The following BRAF variants were observed in gnomAD, a reference collection of about 807,000 sequenced individuals.
BRAF encodes the protein serine/threonine-protein kinase B-raf.
In BRAF, 16 loss-of-function variants were observed where a neutral mutation model predicts 104.6. That is an observed-to-expected ratio of 0.15 (90% CI 0.10 to 0.23). The LOEUF is 0.23. BRAF is among the 10% of genes least tolerant of loss of function. BRAF has a pLI of 1.00. For synonymous variants in BRAF, 310 were observed against 341.6 expected (o/e 0.91, Z 1.02); for missense variants, 541 against 937.3 (o/e 0.58, Z 5.52).
At chr7:140,740,030 G>A (rs1796778122) in intron 17 of BRAF, 84 bp from the exon 17 acceptor site, 8 of 1,421,884 alleles carry the variant, frequency 5.6e-6, no homozygotes, top group Non-Finnish European at 7.8e-6. Context: ...AACACAATAA[G>A]CTGTACATTT....
intron 14 of BRAF, among the ~76,000 whole-genome samples, chr7:140,763,879 C>A (rs2129008549): frequency 6.6e-6 from 1 of 152,330 alleles, no homozygotes; most frequent in South Asian, 2.1e-4. Flanking sequence ...CAAGGAGGAA[C>A]TGGTACCATT....
At chr7:140,881,758 T>C (rs1812945474) in intron 1 of BRAF, among the ~76,000 whole-genome samples, 1 of 152,322 alleles carries the variant, frequency 6.6e-6, no homozygotes, top group Non-Finnish European at 1.5e-5. Context: ...TGTAGAGTTA[T>C]TAATTGGCCT....
In BRAF at chr7:140,785,822, AAG is replaced by A. The variant is rs1801296838; in HGVS notation, c.1178-16_1178-15del. On this transcript the variant is annotated splice_polypyrimidine_tract_variant and intron_variant, in intron 9 of 19. Transcript: ENST00000644969. ...GGTTCAAAGGGGCTGTTAGAAGAGA[AAG>A]AGAGGGGCAGGCAAACACAGGAAGA... 4 of 399,060 alleles carry A rather than the reference AAG, an allele frequency of 1.0e-5. No homozygotes were observed. Among genetic ancestry groups the A allele is most frequent in the Non-Finnish European group, 1.8e-5 (4 of 226,078 alleles). 24.7% of individuals were successfully genotyped at this position (399,060 alleles called of 1,614,324 possible).
At chr7:140,902,802 G>A (rs997427516) in intron 1 of BRAF, among the ~76,000 whole-genome samples, 3 of 151,664 alleles carry the variant, frequency 2.0e-5, no homozygotes, top group Non-Finnish European at 2.9e-5. Context: ...AAGCAAGCAA[G>A]CAAAACAACC....
intron 19 of BRAF, among the ~76,000 whole-genome samples, chr7:140,728,122 G>C (rs956064132): frequency 2.0e-5 from 3 of 152,170 alleles, no homozygotes; most frequent in Non-Finnish European, 2.9e-5. Flanking sequence ...TAAGCTGATA[G>C]TATTAGTGAC....
chr7:140,863,248 C>T (rs751540867), intron 1 of BRAF, among the ~76,000 whole-genome samples: 5 of 151,334 alleles, frequency 3.3e-5, no homozygotes, highest in East Asian at 1.9e-4. Flanking sequence ...ACAAAACTGA[C>T]GTAAATAAGT....
chr7:140,750,363 A>G (rs1000660375), intron 16 of BRAF, among the ~76,000 whole-genome samples: 2 of 152,212 alleles, frequency 1.3e-5, no homozygotes, highest in Non-Finnish European at 2.9e-5. Flanking sequence ...AAGGAGAGGC[A>G]ATAATGGCAC....
rs989035582 is a variant in BRAF at position 140,722,873 on chromosome 7, C to G, written c.*3621G>C. On this transcript the variant is annotated 3_prime_UTR_variant, in exon 20 of 20. Transcript: ENST00000644969. Reference sequence around the variant, plus strand: ...ACGTACCCCTAAACCGGTTCTGGCACCACTTTCAACAACATTCAGATATTC... The same window carrying G: ...ACGTACCCCTAAACCGGTTCTGGCAGCACTTTCAACAACATTCAGATATTC... 9.5e-7 allele frequency: 1 copy of G among 1,054,744 alleles called. No individual in the cohort carries two copies. The highest frequency in any genetic ancestry group is 1.7e-5 in the African/African-American group (1 of 60,496). 65.3% of individuals were successfully genotyped at this position (1,054,744 alleles called of 1,614,324 possible).
At chr7:140,769,459 T>C (rs1237982925) in intron 14 of BRAF, among the ~76,000 whole-genome samples, 4 of 152,198 alleles carry the variant, frequency 2.6e-5, no homozygotes, top group African/African-American at 9.6e-5. Flanking sequence ...CTAATCCTTA[T>C]TTCAGTACTT....
rs916842346 is a variant in BRAF at position 140,719,703 on chromosome 7, C to T, written c.*6791G>A. 2.8e-6 allele frequency: 3 copies of T among 1,060,434 alleles called. No homozygotes were observed. Among genetic ancestry groups the T allele is most frequent in the Admixed American group, 5.4e-5 (1 of 18,640 alleles). The allele number at this position is 1,060,434 out of a possible 1,614,324, so 65.7% of individuals were successfully genotyped here. ...CATCCATTTGACTGAAAATAAATGT[C>T]TTTTTTATGAATTGAAAAATAAGCT... On this transcript the variant is annotated 3_prime_UTR_variant, in exon 20 of 20. Transcript: ENST00000644969.
At chr7:140,905,151 T>C (rs964671084) in intron 1 of BRAF, among the ~76,000 whole-genome samples, 1 of 152,224 alleles carries the variant, frequency 6.6e-6, no homozygotes, top group Non-Finnish European at 1.5e-5. Flanking sequence ...ATACACCCAC[T>C]GGGTTAAACT....
rs143420027 is a variant in BRAF, at chr7:140,723,579, A to G, written c.*2915T>C. On this transcript the variant is annotated 3_prime_UTR_variant, in exon 20 of 20. Transcript: ENST00000644969. ...CTTTTATAAACTATTTTTTTGGTCA[A>G]TATTATTTCAGTGGCAAAAGTCTAG... 791 of 1,048,506 alleles carry G rather than the reference A, an allele frequency of 7.5e-4. 4 individuals carry two copies. In the African/African-American group the frequency reaches 0.012, roughly 16 times the overall value. The allele number at this position is 1,048,506 out of a possible 1,614,324, so 65.0% of individuals were successfully genotyped here.
At position 140,804,406 on chromosome 7, in the gene BRAF, T is replaced by TTGG. The variant is rs1554403975; in HGVS notation, c.712-2847_712-2846insCCA. Among the ~76,000 whole-genome samples, 300 of 147,242 alleles carry TTGG rather than the reference T, an allele frequency of 2.0e-3. 1 individual carries two copies. The highest frequency in any genetic ancestry group is 7.3e-3 in the African/African-American group (282 of 38,456). On this transcript the variant is annotated intron_variant, in intron 5 of 19. Transcript: ENST00000644969. ...TTTTAGTAGAGACAGGTTTTTTTTTTGGGGGGGGTGGTTAATACTTTTAAT... is the reference window on the plus strand; with the variant it reads ...TTTTAGTAGAGACAGGTTTTTTTTTTTGGGGGGGGGGTGGTTAATACTTTTAAT...
At chr7:140,763,253 C>A (rs2129007761) in intron 14 of BRAF, among the ~76,000 whole-genome samples, 1 of 151,744 alleles carries the variant, frequency 6.6e-6, no homozygotes, top group South Asian at 2.1e-4. Flanking sequence ...CCCCAACCTC[C>A]CTCCCGGACG....
At chr7:140,772,272 T>TACAACAACAACAACA (rs61337459) in intron 14 of BRAF, among the ~76,000 whole-genome samples, 1 of 149,208 alleles carries the variant, frequency 6.7e-6, no homozygotes, top group African/African-American at 2.5e-5. Context: ...ATTGTTTAAC[T>TACAACAACAACAACA]ACAACAACAA....
At chr7:140,739,676 T>G in intron 18 of BRAF, 136 bp downstream of exon 17, 1 of 1,006,032 alleles carries the variant, frequency 9.9e-7, no homozygotes, top group Non-Finnish European at 1.5e-6. Flanking sequence ...GAAGCCATCT[T>G]AATGTGTTTT....
At position 140,924,632 on chromosome 7, in the gene BRAF, C is replaced by G. The variant is rs587778114; in HGVS notation, c.72G>C (p.Glu24Asp). The G allele has an allele frequency of 6.0e-5, 90 of 1,509,726 alleles. No homozygotes were observed. Among genetic ancestry groups the G allele is most frequent in the Non-Finnish European group, 7.0e-5 (79 of 1,127,280 alleles). 93.5% of individuals were successfully genotyped at this position (1,509,726 alleles called of 1,614,324 possible). The change falls in exon 1 of 20, where the codon GAG becomes GAC. Residue 24 changes from glutamate to aspartate, a missense_variant. This residue lies in a region of BRAF where 82 missense variants were observed against 65.9 expected (regional missense o/e 1.24). Coordinates refer to ENST00000644969, the MANE Select transcript of BRAF (RefSeq NM_001374258.1). The surrounding 1 kb of genome is among the most constrained non-coding windows in gnomAD (Gnocchi z 4.2). The part of the protein sequence containing the change: ...PGQALFNGDM[E>D]PEAGAGAGAA... ...CGCCGGCGCCGGCGCCGGCCTCGGG[C>G]TCCATGTCCCCGTTGAACAGAGCCT...
intron 8 of BRAF, among the ~76,000 whole-genome samples, chr7:140,790,844 C>T (rs980921610): frequency 3.9e-5 from 6 of 152,212 alleles, no homozygotes; most frequent in African/African-American, 1.4e-4. Flanking sequence ...CAGTGGCTCA[C>T]GCCTGTAATC....
intron 1 of BRAF, among the ~76,000 whole-genome samples, chr7:140,881,192 CAG>C (rs2129103729): frequency 1.3e-5 from 2 of 152,244 alleles, no homozygotes; most frequent in South Asian, 4.1e-4. Context: ...AGAGCACAGA[CAG>C]AGTAAATTTT....
Sources: allele counts gnomAD v4.1 joint callset (sites outside exome capture counted in the v4.1 genomes callset), GRCh38; gene constraint gnomAD v4.1.1; regional missense constraint gnomAD v4.1.1; non-coding constraint Gnocchi (gnomAD v3.1); transcripts MANE v1.5; gene names NCBI Gene and HGNC (gene_info 2026-07-23, HGNC 2026-07-21).